ASXL1: variants seen among roughly 807,000 people sequenced by gnomAD.
ASXL1 encodes ASXL transcriptional regulator 1.
In ASXL1, 65 loss-of-function variants were observed where a neutral mutation model predicts 89.1. That is an observed-to-expected ratio of 0.73 (90% CI 0.60 to 0.90). The LOEUF (loss-of-function observed/expected upper bound fraction) is 0.90, where lower values mean the gene tolerates loss of function less well. Among genes scored for constraint, ASXL1 ranks in the 40% least tolerant of loss-of-function variants. The pLI, the probability that ASXL1 is intolerant of heterozygous loss-of-function variation, is 0.00. For synonymous variants in ASXL1, 739 were observed against 746.9 expected (o/e 0.99, Z 0.17); for missense variants, 1,786 against 1,942.9 (o/e 0.92, Z 1.52).
chr20:32,377,352 G>T (rs1347701434), intron 4 of ASXL1, among the ~76,000 whole-genome samples: 1 of 151,168 alleles, frequency 6.6e-6, no homozygotes, highest in African/African-American at 2.4e-5. Flanking sequence ...TTATTTTTTG[G>T]TTCTGGAAAC....
At chr20:32,376,775 ATTATATATTATATATCTATCATGAT>A (rs2048385211) in intron 4 of ASXL1, among the ~76,000 whole-genome samples, 1 of 146,170 alleles carries the variant, frequency 6.8e-6, no homozygotes, top group Non-Finnish European at 1.5e-5. Flanking sequence ...AATTTTGTAT[ATTATATATTATATATCTATCATGAT>A]ATATATAATG....
chr20:32,377,087 G>C (rs1213402674), intron 4 of ASXL1, among the ~76,000 whole-genome samples: 2 of 134,102 alleles, frequency 1.5e-5, no homozygotes, highest in African/African-American at 5.6e-5. Flanking sequence ...ATGTTATATA[G>C]ATATCTATAT....
intron 1 of ASXL1, chr20:32,359,253 G>C (rs900551569): frequency 2.8e-6 from 2 of 702,060 alleles, no homozygotes; most frequent in Non-Finnish European, 5.2e-6. Flanking sequence ...TAATGGGGTG[G>C]TGCCTTTGAC....
At chr20:32,417,346 G>C (rs1236605546) in intron 4 of ASXL1, among the ~76,000 whole-genome samples, 1 of 152,086 alleles carries the variant, frequency 6.6e-6, no homozygotes, top group Admixed American at 6.6e-5. Context: ...TTTCTTTCTG[G>C]TTGATAGAAA....
rs1412183352 is a variant in ASXL1, at chr20:32,428,524, G to A, written c.471+102G>A. The A allele has an allele frequency of 4.5e-6, 5 of 1,115,764 alleles. 1 individual carries two copies. The South Asian group carries it at 6.3e-5, about 14-fold the overall frequency. 69.1% of individuals were successfully genotyped at this position (1,115,764 alleles called of 1,614,324 possible). A position where few individuals can be genotyped will look rare whatever the true frequency, so the allele number is the denominator to read the frequency against. ...TGAGCTGTGAACATGTTCAGAGAGT[G>A]AAGAATAGAAGTCTGGTCTCCAGCT... On this transcript the variant is annotated intron_variant, in intron 6 of 12. Coordinates refer to ENST00000375687, the MANE Select transcript of ASXL1 (RefSeq NM_015338.6).
At chr20:32,414,598 A>G (rs1294961676) in intron 4 of ASXL1, among the ~76,000 whole-genome samples, 2 of 152,170 alleles carry the variant, frequency 1.3e-5, no homozygotes, top group Non-Finnish European at 2.9e-5. Flanking sequence ...AACATTTACT[A>G]TGAAATTTTA....
At chr20:32,388,964 C>T (rs991973285) in intron 4 of ASXL1, among the ~76,000 whole-genome samples, 2 of 152,166 alleles carry the variant, frequency 1.3e-5, no homozygotes, top group Admixed American at 6.6e-5. Context: ...CACGCCCCCA[C>T]ATCCAACCAT....
Position 32,367,725 on chromosome 20 carries a change from A to G in ASXL1, c.141-2A>G, listed in dbSNP as rs768868045. 2.7e-5 allele frequency: 21 copies of G among 780,812 alleles called. No homozygotes were observed. Among genetic ancestry groups the G allele is most frequent in the South Asian group, 2.5e-4 (19 of 74,630 alleles). 48.4% of individuals were successfully genotyped at this position (780,812 alleles called of 1,614,324 possible). A position where few individuals can be genotyped will look rare whatever the true frequency, so the allele number is the denominator to read the frequency against. On this transcript the variant is annotated splice_acceptor_variant, in intron 2 of 12. Coordinates refer to ENST00000375687, the MANE Select transcript of ASXL1 (RefSeq NM_015338.6). LOFTEE classifies it high-confidence loss of function. ...ACTGCTGTTGGACCACTTTGCCTAT[A>G]GAAGGTAAATGAGTCCCTTTGGGAC...
chr20:32,360,058 GTGT>G (rs1377485160), intron 1 of ASXL1: 4 of 466,130 alleles, frequency 8.6e-6, no homozygotes, highest in Non-Finnish European at 1.1e-5. Context: ...TGCTTCAAAG[GTGT>G]TGTGCAAAAA....
In ASXL1 at chr20:32,396,992, C is replaced by CA. The variant is rs1302236034; in HGVS notation, c.252+27881dup. On this transcript the variant is annotated intron_variant, in intron 4 of 12. Transcript: ENST00000375687. ...CTGAATAGCTAAAAATTAAACATTG[C>CA]AAAAAAAAAAAACAAACAAAAAAAA... Among the ~76,000 whole-genome samples, 405 of 104,892 alleles carry CA rather than the reference C, an allele frequency of 3.9e-3. 1 individual carries two copies. The highest frequency in any genetic ancestry group is 6.0e-3 in the East Asian group (12 of 1,990). 68.8% of individuals were successfully genotyped at this position (104,892 alleles called of 152,430 possible).
In ASXL1 at chr20:32,433,572, AGCAGG is replaced by A; in HGVS notation, c.1377_1381del (p.Gly460GlufsTer23). The A allele has an allele frequency of 6.2e-7, 1 of 1,614,212 alleles. No individual in the cohort carries two copies. Among genetic ancestry groups the A allele is most frequent in the Non-Finnish European group, 8.5e-7 (1 of 1,180,042 alleles). ...AGGATGGGGAGGCTAAGACTGACCC[AGCAGG>A]GCTGAGCAGTCCCCATCTGCCAGGC... On this transcript the variant is annotated frameshift_variant, in exon 12 of 13. Transcript: ENST00000375687. LOFTEE classifies it high-confidence loss of function.
chr20:32,368,756 A>G (rs980258658), intron 3 of ASXL1, among the ~76,000 whole-genome samples: 1 of 152,224 alleles, frequency 6.6e-6, no homozygotes, highest in African/African-American at 2.4e-5. Flanking sequence ...TTTGATTTAT[A>G]TTGTCAAAAA....
chr20:32,394,418 T>C (rs1314338220), intron 4 of ASXL1, among the ~76,000 whole-genome samples: 1 of 152,114 alleles, frequency 6.6e-6, no homozygotes, highest in Non-Finnish European at 1.5e-5. Flanking sequence ...ATTACAGGAG[T>C]GAGCTACGCC....
chr20:32,437,573 T>C lies in ASXL1; in HGVS notation c.*235T>C. On this transcript the variant is annotated 3_prime_UTR_variant, in exon 13 of 13. Coordinates refer to ENST00000375687, the MANE Select transcript of ASXL1 (RefSeq NM_015338.6). The stretch of plus-strand genomic sequence containing the variant: ...CTGCCCAAGGCCAGCCAGCCTGAGC[T>C]CTCCTGCAAGACAGAGCCTGATGTG... The C allele has an allele frequency of 1.7e-6, 1 of 585,692 alleles. No individual in the cohort carries two copies. Among genetic ancestry groups the C allele is most frequent in the Non-Finnish European group, 2.9e-6 (1 of 341,456 alleles). The allele number at this position is 585,692 out of a possible 1,614,324, so 36.3% of individuals were successfully genotyped here.
In ASXL1 at chr20:32,428,869, C is replaced by G. The variant is rs1002394116; in HGVS notation, c.471+447C>G. 8 of 289,880 alleles carry G rather than the reference C, an allele frequency of 2.8e-5. No homozygotes were observed. In the East Asian group the frequency reaches 7.3e-4, roughly 27 times the overall value. 18.0% of individuals were successfully genotyped at this position (289,880 alleles called of 1,614,324 possible). On this transcript the variant is annotated intron_variant, in intron 6 of 12. Transcript: ENST00000375687. ...AGAGATAGGGTTTTGCCATGTTGGC[C>G]AGGCTAGTCTCGAATTCCTGACCTC...
chr20:32,393,388 A>T (rs1372087951), intron 4 of ASXL1, among the ~76,000 whole-genome samples: 1 of 152,100 alleles, frequency 6.6e-6, no homozygotes, highest in Non-Finnish European at 1.5e-5. Flanking sequence ...TTTCCCAGGC[A>T]TCATGTGTTT....
chr20:32,433,571 C>T lies in ASXL1; in HGVS notation c.1373C>T (p.Pro458Leu), dbSNP rs1481847597. 6.2e-7 allele frequency: 1 copy of T among 1,614,194 alleles called. No individual in the cohort carries two copies. Among genetic ancestry groups the T allele is most frequent in the Non-Finnish European group, 8.5e-7 (1 of 1,180,038 alleles). Residue 458 changes from proline to leucine, a missense_variant, in exon 12 of 13, where the codon CCA becomes CTA. By Grantham distance (98) the Pro-to-Leu change is moderately conservative. Around this residue, in one of 3 missense-constraint regions of ASXL1, gnomAD observed 1,418 missense variants for 1,427.8 expected, o/e 0.99. Transcript: ENST00000375687. ...AAGGATGGGGAGGCTAAGACTGACC[C>T]AGCAGGGCTGAGCAGTCCCCATCTG... The part of the protein sequence containing the change: ...LYKDGEAKTD[P>L]AGLSSPHLPG...
intron 4 of ASXL1, among the ~76,000 whole-genome samples, chr20:32,401,541 T>C (rs920396362): frequency 4.5e-5 from 1 of 22,444 alleles, no homozygotes; most frequent in Non-Finnish European, 1.1e-4. Flanking sequence ...TGTGTGTGTG[T>C]GTGTTTTTTC....
At position 32,432,977 on chromosome 20, in the gene ASXL1, T is replaced by C. The variant is rs778907276; in HGVS notation, c.1077T>C (p.Tyr359=). 1 of 1,613,764 alleles carries C rather than the reference T, an allele frequency of 6.2e-7. No homozygotes were observed. The highest frequency in any genetic ancestry group is 2.2e-5 in the East Asian group (1 of 44,896). The change falls in exon 11 of 13, where the codon TAT becomes TAC. Residue 359 remains tyrosine (Y), a synonymous_variant. Coordinates refer to ENST00000375687, the MANE Select transcript of ASXL1 (RefSeq NM_015338.6). ...AAGAAAAGTTCTTTGAAGACTACTATGGACAGAAGTAAGGCAGTTGGAGCT... is the reference window on the plus strand; with the variant it reads ...AAGAAAAGTTCTTTGAAGACTACTACGGACAGAAGTAAGGCAGTTGGAGCT... ...QWKEKFFEDY[Y]GQKLGLTKEE...
Sources: gnomAD v4.1 joint callset for allele counts (sites outside exome capture counted in the v4.1 genomes callset) on GRCh38, gnomAD v4.1.1 for gene constraint, gnomAD v4.1.1 regional missense constraint, MANE v1.5 for transcripts, NCBI Gene and HGNC (gene_info 2026-07-23, HGNC 2026-07-21) for gene names.